CSMD2: variants seen among roughly 807,000 people sequenced by gnomAD.
CSMD2 encodes the protein CUB and Sushi multiple domains 2.
In CSMD2, 130 loss-of-function variants were observed where a neutral mutation model predicts 398.5. The ratio of observed to expected loss-of-function variants is 0.33; its 90% CI spans 0.28 to 0.38. The LOEUF is 0.38. Ranked by LOEUF, CSMD2 falls within the 10% of genes least tolerant of loss-of-function variation. CSMD2 has a pLI of 1.00. For synonymous variants in CSMD2, 1,828 were observed against 1,908.5 expected, an observed-to-expected ratio of 0.96 and a Z score of 1.10; for missense variants, 3,829 against 4,764.9, an observed-to-expected ratio of 0.80 and a Z score of 5.78.
At chr1:33,726,813 A>C (rs959157105) in intron 15 of CSMD2, 128 bp from the exon 16 acceptor site, 144 of 1,044,066 alleles carry the variant, frequency 1.4e-4, no homozygotes, top group Non-Finnish European at 3.6e-5. Flanking sequence ...TACATAAACT[A>C]TAAACTGTGA....
At chr1:33,955,959 T>C (rs1042681990) in intron 3 of CSMD2, among the ~76,000 whole-genome samples, 1 of 152,072 alleles carries the variant, frequency 6.6e-6, no homozygotes, top group Admixed American at 6.5e-5. Context: ...ACCTCGACAC[T>C]GGTACCATGA....
intron 1 of CSMD2, among the ~76,000 whole-genome samples, chr1:34,110,221 A>C (rs765812649): frequency 5.3e-5 from 8 of 152,114 alleles, no homozygotes; most frequent in Non-Finnish European, 8.8e-5. Context: ...GGTGGAGAAA[A>C]GAGAATGCTT....
intron 1 of CSMD2, among the ~76,000 whole-genome samples, chr1:34,093,652 G>T (rs1658920717): frequency 1.3e-5 from 2 of 151,870 alleles, no homozygotes; most frequent in East Asian, 1.9e-4. Context: ...GGAAGAAAGG[G>T]TATCAGCAAT....
rs1653627235 is a variant in CSMD2 at position 33,514,789 on chromosome 1, A to C, written c.*1835T>G. 6.6e-6 allele frequency: 1 copy of C among 152,232 alleles called. No individual in the cohort carries two copies. Among genetic ancestry groups the C allele is most frequent in the Non-Finnish European group, 1.5e-5 (1 of 68,140 alleles). The allele number at this position is 152,232 out of a possible 1,614,324, so 9.4% of individuals were successfully genotyped here. A position where few individuals can be genotyped will look rare whatever the true frequency, so the allele number is the denominator to read the frequency against. On this transcript the variant is annotated 3_prime_UTR_variant, in exon 71 of 71. Coordinates refer to ENST00000373381, the MANE Select transcript of CSMD2 (RefSeq NM_001281956.2). ...CAGGCCCAGGGGGGTGCCGTGTCCC[A>C]GAGGTGGTGTGGCCAGGGGTAGGCT...
chr1:33,635,368 T>G lies in CSMD2; in HGVS notation c.4970-38A>C. 2.3e-6 allele frequency: 3 copies of G among 1,287,306 alleles called. No individual in the cohort carries two copies. The highest frequency in any genetic ancestry group is 2.3e-6 in the Non-Finnish European group (2 of 888,260). 79.7% of individuals were successfully genotyped at this position (1,287,306 alleles called of 1,614,324 possible). Reference sequence around the variant, plus strand: ...CCAGATAGAGAGTCAGGTGACCTTGTGGGCCTCTTACCAGTGACCATCCTC... The same window carrying G: ...CCAGATAGAGAGTCAGGTGACCTTGGGGGCCTCTTACCAGTGACCATCCTC... On this transcript the variant is annotated intron_variant, in intron 30 of 70. Coordinates refer to ENST00000373381, the MANE Select transcript of CSMD2 (RefSeq NM_001281956.2). This position sits in a 1 kb window ranked among gnomAD's most constrained non-coding sequence, Gnocchi z 5.0.
At chr1:34,015,318 A>T (rs908274222) in intron 3 of CSMD2, among the ~76,000 whole-genome samples, 2 of 152,202 alleles carry the variant, frequency 1.3e-5, no homozygotes, top group Non-Finnish European at 2.9e-5. Context: ...CAGTTGAGAA[A>T]ACTGAGCCTC....
At position 33,556,871 on chromosome 1, in the gene CSMD2, A is replaced by G. The variant is rs150974325; in HGVS notation, c.8743+863T>C. Among the ~76,000 whole-genome samples, 868 of 152,242 alleles carry G rather than the reference A, an allele frequency of 5.7e-3. 10 individuals carry two copies. The highest frequency in any genetic ancestry group is 0.012 in the South Asian group (56 of 4,814). On this transcript the variant is annotated intron_variant, in intron 55 of 70. Transcript: ENST00000373381. ...CCCCTGCCACCATGTGAAGAAGGACATGTTTGCTTCTCCTTCCACCATGAT... is the reference window on the plus strand; with the variant it reads ...CCCCTGCCACCATGTGAAGAAGGACGTGTTTGCTTCTCCTTCCACCATGAT...
chr1:33,751,303 G>C (rs1424733276), intron 13 of CSMD2, among the ~76,000 whole-genome samples: 1 of 152,140 alleles, frequency 6.6e-6, no homozygotes, highest in African/African-American at 2.4e-5. Context: ...AAACACAGGA[G>C]AGTGGTGTCA....
At chr1:33,579,359 GC>G (rs1474985531) in intron 48 of CSMD2, among the ~76,000 whole-genome samples, 7 of 152,150 alleles carry the variant, frequency 4.6e-5, no homozygotes, top group Admixed American at 1.3e-4. Context: ...AGGTGAGAGA[GC>G]TGGTCACTGA....
At chr1:33,885,235 A>T (rs1450860742) in intron 5 of CSMD2, 1 of 152,154 alleles carries the variant, frequency 6.6e-6, no homozygotes, top group Non-Finnish European at 1.5e-5. Context: ...GTCAAAGAAC[A>T]CGCACAACTC....
intron 3 of CSMD2, among the ~76,000 whole-genome samples, chr1:34,009,110 TTCTCAGGACCCTTTCTC>T (rs1193878726): frequency 5.3e-5 from 8 of 152,102 alleles, no homozygotes; most frequent in Non-Finnish European, 1.0e-4. Flanking sequence ...CTCTTCCTCC[TTCTCAGGACCCTTTCTC>T]TCTCAGGACT....
intron 52 of CSMD2, 75 bp from the exon 53 acceptor site, chr1:33,567,916 A>G: frequency 6.7e-7 from 1 of 1,500,934 alleles, no homozygotes; most frequent in Non-Finnish European, 8.9e-7. Flanking sequence ...CCCTGAGAGT[A>G]GCAATCTAGG....
chr1:33,802,401 C>T (rs1355268072), intron 10 of CSMD2, among the ~76,000 whole-genome samples: 1 of 152,226 alleles, frequency 6.6e-6, no homozygotes, highest in Non-Finnish European at 1.5e-5. Flanking sequence ...TGCAGAGGCG[C>T]ACAGCCCATA....
chr1:34,161,668 GT>G (rs1438078558), intron 1 of CSMD2, among the ~76,000 whole-genome samples: 14 of 152,200 alleles, frequency 9.2e-5, no homozygotes, highest in African/African-American at 2.9e-4. Flanking sequence ...CTCTTCTAGA[GT>G]GTTCCAGTGT....
At chr1:33,796,148 T>A (rs1654922485) in intron 10 of CSMD2, among the ~76,000 whole-genome samples, 1 of 152,244 alleles carries the variant, frequency 6.6e-6, no homozygotes, top group Admixed American at 6.5e-5. Flanking sequence ...AGTTTGCTGA[T>A]CCCTGGTCTA....
At chr1:34,016,143 G>C (rs1411828209) in intron 3 of CSMD2, among the ~76,000 whole-genome samples, 1 of 151,888 alleles carries the variant, frequency 6.6e-6, no homozygotes, top group Admixed American at 6.6e-5. Context: ...AAACATATAC[G>C]TTTTTAAATT....
At chr1:33,942,854 C>T (rs79771287) in intron 3 of CSMD2, among the ~76,000 whole-genome samples, 2,383 of 152,302 alleles carry the variant, frequency 0.016, 60 homozygotes, top group African/African-American at 0.055. Context: ...TGTGGCCTCT[C>T]TCCTAGAGTT....
In CSMD2 at chr1:33,518,635, G is replaced by A. The variant is rs1238593249; in HGVS notation, c.*53+830C>T. Among the ~76,000 whole-genome samples the A allele has an allele frequency of 6.6e-6, 1 of 152,080 alleles. No homozygotes were observed. Among genetic ancestry groups the A allele is most frequent in the African/African-American group, 2.4e-5 (1 of 41,398 alleles). ...AGTCTCCATAATGTGTGTGGGCCTCGTTCAATCAGCTGAAGGCCTTAAGAA... is the reference window on the plus strand; with the variant it reads ...AGTCTCCATAATGTGTGTGGGCCTCATTCAATCAGCTGAAGGCCTTAAGAA... On this transcript the variant is annotated intron_variant, in intron 70 of 70. Transcript: ENST00000373381. The surrounding 1 kb of genome is among the most constrained non-coding windows in gnomAD (Gnocchi z 4.3).
intron 25 of CSMD2, among the ~76,000 whole-genome samples, chr1:33,679,975 C>T (rs1406396915): frequency 1.3e-5 from 2 of 150,706 alleles, no homozygotes; most frequent in African/African-American, 4.9e-5. Context: ...GGCTGGAGTG[C>T]AGTGGCACAA....
Sources: allele counts gnomAD v4.1 joint callset (sites outside exome capture counted in the v4.1 genomes callset), GRCh38; gene constraint gnomAD v4.1.1; non-coding constraint Gnocchi (gnomAD v3.1); transcripts MANE v1.5; gene names NCBI Gene and HGNC (gene_info 2026-07-23, HGNC 2026-07-21).